ZBTB20: variants seen among roughly 807,000 people sequenced by gnomAD.
ZBTB20 encodes the protein zinc finger and BTB domain containing 20, also known as zinc finger and BTB domain-containing protein 20.
A neutral mutation model predicts 56.9 loss-of-function variants in ZBTB20; 9 were observed. The observed-to-expected ratio is 0.16, with a 90% CI of 0.10 to 0.28. The LOEUF is 0.28. ZBTB20 is among the 10% of genes least tolerant of loss of function. ZBTB20 has a pLI of 1.00. For synonymous variants in ZBTB20, 417 were observed against 420.7 expected, an observed-to-expected ratio of 0.99 and a Z score of 0.11; for missense variants, 655 against 1,003.0, an observed-to-expected ratio of 0.65 and a Z score of 4.69.
At chr3:114,751,495 G>C (rs2067553556) in intron 5 of ZBTB20, among the ~76,000 whole-genome samples, 1 of 152,090 alleles carries the variant, frequency 6.6e-6, no homozygotes, top group African/African-American at 2.4e-5. Context: ...TGTGGCACCT[G>C]CTAGGATAGT....
intron 6 of ZBTB20, among the ~76,000 whole-genome samples, chr3:114,574,628 G>GT (rs1234805397): frequency 6.6e-6 from 1 of 151,896 alleles, no homozygotes; most frequent in Non-Finnish European, 1.5e-5. Context: ...ATTTCTGATT[G>GT]TAACACCATA....
At chr3:114,452,089 G>T (rs1039744725) in intron 7 of ZBTB20, among the ~76,000 whole-genome samples, 3 of 151,944 alleles carry the variant, frequency 2.0e-5, no homozygotes, top group Non-Finnish European at 4.4e-5. Context: ...AAAAAAAAGG[G>T]GGGGTACCAA....
At position 114,947,191 on chromosome 3, in the gene ZBTB20, C is replaced by T. The variant is rs558182438; in HGVS notation, c.-456+27175G>A. 3.8e-4 allele frequency among the ~76,000 whole-genome samples: 56 copies of T among 145,896 alleles called. 5 individuals carry two copies. Among genetic ancestry groups the T allele is most frequent in the Non-Finnish European group, 5.2e-4 (35 of 67,694 alleles). ...TGGCAAGCAATTGCAGAAAAGGAAACGCTTATACACTGTTGGTGGGAATGT... is the reference window on the plus strand; with the variant it reads ...TGGCAAGCAATTGCAGAAAAGGAAATGCTTATACACTGTTGGTGGGAATGT... On this transcript the variant is annotated intron_variant, in intron 3 of 11. Coordinates refer to ENST00000675478, the MANE Select transcript of ZBTB20 (RefSeq NM_001348800.3).
intron 6 of ZBTB20, among the ~76,000 whole-genome samples, chr3:114,503,466 C>T (rs964097181): frequency 6.6e-5 from 10 of 152,186 alleles, no homozygotes; most frequent in Admixed American, 1.3e-4. Flanking sequence ...TATTAATCTA[C>T]ATAGATTTAT....
At chr3:114,501,086 G>T (rs2043896673) in intron 6 of ZBTB20, among the ~76,000 whole-genome samples, 1 of 152,126 alleles carries the variant, frequency 6.6e-6, no homozygotes, top group Admixed American at 6.5e-5. Flanking sequence ...TAAGAACTCA[G>T]TCCTAAGTTT....
rs3773672 is a variant in ZBTB20 at position 114,342,901 on chromosome 3, T to C, written c.1805-3475A>G. Among the ~76,000 whole-genome samples the C allele has an allele frequency of 4.2e-3, 634 of 152,254 alleles. 13 individuals carry two copies. The East Asian group carries it at 0.048, about 11-fold the overall frequency. On this transcript the variant is annotated intron_variant, in intron 11 of 11. Transcript: ENST00000675478. ...TATGCGAATGGCAAGAAGTGGTATATGGATAAAATGTCAGCACAGAGCACA... is the reference window on the plus strand; with the variant it reads ...TATGCGAATGGCAAGAAGTGGTATACGGATAAAATGTCAGCACAGAGCACA...
At chr3:114,440,349 G>GA (rs900562040) in intron 7 of ZBTB20, among the ~76,000 whole-genome samples, 31 of 151,108 alleles carry the variant, frequency 2.1e-4, no homozygotes, top group East Asian at 1.6e-3. Context: ...GGAGCTGGGG[G>GA]AAAAAAAAAT....
At chr3:115,048,497 T>G (rs2081420568) in intron 2 of ZBTB20, among the ~76,000 whole-genome samples, 1 of 152,174 alleles carries the variant, frequency 6.6e-6, no homozygotes, top group Non-Finnish European at 1.5e-5. Flanking sequence ...TAAATCATAA[T>G]GATAATCATA....
In ZBTB20 at chr3:114,337,901, T is replaced by C. The variant is rs2108074616; in HGVS notation, c.*1104A>G. On this transcript the variant is annotated 3_prime_UTR_variant, in exon 12 of 12. Coordinates refer to ENST00000675478, the MANE Select transcript of ZBTB20 (RefSeq NM_001348800.3). ...AATGAAAAAAATTACTTTTAACAAT[T>C]TCACTTTTTTTGTTTTTTTTTTTAC... 1 of 151,902 alleles carries C rather than the reference T, an allele frequency of 6.6e-6. No individual in the cohort carries two copies. Among genetic ancestry groups the C allele is most frequent in the East Asian group, 1.9e-4 (1 of 5,186 alleles). The allele number at this position is 151,902 out of a possible 1,614,324, so 9.4% of individuals were successfully genotyped here. A position where few individuals can be genotyped will look rare whatever the true frequency, so the allele number is the denominator to read the frequency against.
intron 2 of ZBTB20, among the ~76,000 whole-genome samples, chr3:114,994,043 T>G (rs911158459): frequency 6.6e-6 from 1 of 151,812 alleles, no homozygotes; most frequent in Non-Finnish European, 1.5e-5. Flanking sequence ...AAACTTATGC[T>G]GATCAAAAAA....
chr3:115,130,669 G>A (rs1404588683), intron 1 of ZBTB20, among the ~76,000 whole-genome samples: 1 of 151,998 alleles, frequency 6.6e-6, no homozygotes, highest in African/African-American at 2.4e-5. Flanking sequence ...CAAATATAAA[G>A]GAAAAAAACA....
intron 4 of ZBTB20, among the ~76,000 whole-genome samples, chr3:114,812,789 G>A (rs963963941): frequency 6.6e-6 from 1 of 152,244 alleles, no homozygotes; most frequent in South Asian, 2.1e-4. Flanking sequence ...AGGAGCCCAC[G>A]TAGGTCGGGG....
chr3:115,062,243 C>G (rs983952187), intron 2 of ZBTB20, among the ~76,000 whole-genome samples: 3 of 152,200 alleles, frequency 2.0e-5, no homozygotes, highest in Non-Finnish European at 4.4e-5. Flanking sequence ...GCCTAAGCAG[C>G]TGCAATAACA....
At chr3:115,012,791 T>C (rs986086633) in intron 2 of ZBTB20, among the ~76,000 whole-genome samples, 3 of 151,810 alleles carry the variant, frequency 2.0e-5, no homozygotes, top group African/African-American at 7.2e-5. Context: ...ACATAGTTCA[T>C]ACTCAAGGAT....
intron 4 of ZBTB20, among the ~76,000 whole-genome samples, chr3:114,854,589 TCAGA>T (rs1341954533): frequency 2.0e-5 from 3 of 152,154 alleles, no homozygotes; most frequent in Non-Finnish European, 4.4e-5. Flanking sequence ...AGCTTTGGAG[TCAGA>T]CAGACCTGGT....
chr3:114,708,122 A>G (rs1225551529), intron 5 of ZBTB20, among the ~76,000 whole-genome samples: 1 of 152,214 alleles, frequency 6.6e-6, no homozygotes, highest in Non-Finnish European at 1.5e-5. Context: ...CAGAACATGC[A>G]TAAGAAAGAA....
At chr3:114,384,367 G>A (rs1015359014) in intron 8 of ZBTB20, among the ~76,000 whole-genome samples, 2 of 151,784 alleles carry the variant, frequency 1.3e-5, no homozygotes, top group African/African-American at 4.8e-5. Context: ...GCAAATATAT[G>A]CAAAGCAAAA....
chr3:114,467,558 CT>C (rs1326006093), intron 7 of ZBTB20, among the ~76,000 whole-genome samples: 1 of 152,188 alleles, frequency 6.6e-6, no homozygotes, highest in Non-Finnish European at 1.5e-5. Flanking sequence ...GAGCTAGAGT[CT>C]TCATCACTGT....
intron 1 of ZBTB20, among the ~76,000 whole-genome samples, chr3:115,106,232 C>CTTTT (rs1271544340): frequency 7.7e-6 from 1 of 130,526 alleles, no homozygotes; most frequent in Non-Finnish European, 1.7e-5. Flanking sequence ...CACAATAATT[C>CTTTT]TTTTTTTTTT....
Sources: gnomAD v4.1 joint callset for allele counts (sites outside exome capture counted in the v4.1 genomes callset) on GRCh38, gnomAD v4.1.1 for gene constraint, MANE v1.5 for transcripts, NCBI Gene and HGNC (gene_info 2026-07-23, HGNC 2026-07-21) for gene names.